Variants in JMJD1C observed in about 807,000 individuals in gnomAD.
JMJD1C encodes jumonji domain containing 1C, also known as jumonji domain-containing protein 1C.
In JMJD1C, 31 loss-of-function variants were observed where a neutral mutation model predicts 245.3. The ratio of observed to expected loss-of-function variants is 0.13; its 90% CI spans 0.09 to 0.17. The LOEUF (loss-of-function observed/expected upper bound fraction) is 0.17, where lower values mean the gene tolerates loss of function less well. Among genes scored for constraint, JMJD1C ranks in the 10% least tolerant of loss-of-function variants. JMJD1C has a pLI of 1.00. For missense variants in JMJD1C, 2,691 were observed against 3,000.2 expected, an observed-to-expected ratio of 0.90 and a Z score of 2.41; for synonymous variants, 1,057 against 1,017.4, an observed-to-expected ratio of 1.04 and a Z score of -0.74.
intron 2 of JMJD1C, among the ~76,000 whole-genome samples, chr10:63,276,582 G>A (rs1856797562): frequency 6.6e-6 from 1 of 152,096 alleles, no homozygotes; most frequent in Admixed American, 6.6e-5. Context: ...CTACTCAGGA[G>A]GCTGAGGCAG....
chr10:63,276,355 A>C (rs1245021200), intron 2 of JMJD1C, among the ~76,000 whole-genome samples: 1 of 150,738 alleles, frequency 6.6e-6, no homozygotes, highest in Middle Eastern at 3.2e-3. Context: ...AGTCCCAGCT[A>C]CTCCGGAGGC....
At chr10:63,505,677 C>A (rs1320046938) in intron 1 of JMJD1C, among the ~76,000 whole-genome samples, 1 of 151,854 alleles carries the variant, frequency 6.6e-6, no homozygotes, top group East Asian at 1.9e-4. Context: ...AATGTTTGTT[C>A]AAGAAGCATC....
chr10:63,458,197 G>C (rs1021653330), intron 1 of JMJD1C, among the ~76,000 whole-genome samples: 1 of 152,106 alleles, frequency 6.6e-6, no homozygotes, highest in African/African-American at 2.4e-5. Flanking sequence ...TCTAATAAAA[G>C]TGTGAAGCTG....
intron 3 of JMJD1C, among the ~76,000 whole-genome samples, chr10:63,228,947 A>G (rs1047254807): frequency 6.6e-6 from 1 of 152,218 alleles, no homozygotes; most frequent in African/African-American, 2.4e-5. Context: ...TTTGCAAGAT[A>G]AGATTTCCTC....
intron 8 of JMJD1C, among the ~76,000 whole-genome samples, chr10:63,211,863 A>G (rs1847400295): frequency 6.6e-6 from 1 of 151,660 alleles, no homozygotes; most frequent in African/African-American, 2.4e-5. Context: ...CAAAAAAACA[A>G]AAAAACCACC....
At chr10:63,271,730 T>A (rs780202199) in intron 2 of JMJD1C, among the ~76,000 whole-genome samples, 1 of 152,144 alleles carries the variant, frequency 6.6e-6, no homozygotes, top group African/African-American at 2.4e-5. Context: ...TTTGTATTCA[T>A]ACTGATGTTT....
At chr10:63,420,701 C>T (rs963788847) in intron 1 of JMJD1C, among the ~76,000 whole-genome samples, 6 of 115,344 alleles carry the variant, frequency 5.2e-5, no homozygotes, top group South Asian at 5.4e-4. Context: ...GGTAACAAAA[C>T]GAGACCCAGT....
chr10:63,242,331 G>T (rs1053365708), intron 3 of JMJD1C, among the ~76,000 whole-genome samples: 2 of 152,192 alleles, frequency 1.3e-5, no homozygotes, highest in African/African-American at 4.8e-5. Context: ...CTGCACGACT[G>T]AAGAACTTTT....
At chr10:63,387,638 T>A (rs1184598549) in intron 1 of JMJD1C, among the ~76,000 whole-genome samples, 2 of 111,010 alleles carry the variant, frequency 1.8e-5, no homozygotes, top group Non-Finnish European at 3.7e-5. Context: ...AATTTTTTTT[T>A]TTTTTTTTTT....
chr10:63,300,720 T>C (rs1336373601), intron 2 of JMJD1C, among the ~76,000 whole-genome samples: 2 of 152,026 alleles, frequency 1.3e-5, no homozygotes, highest in Admixed American at 1.3e-4. Context: ...GGTGAAACAT[T>C]GTTTCTACTA....
chr10:63,465,320 G>A, intron 1 of JMJD1C, 175 bp downstream of exon 1: 1 of 678,126 alleles, frequency 1.5e-6, no homozygotes, highest in Non-Finnish European at 2.4e-6. Context: ...AAGCCGCTCG[G>A]AGAGACGCAG....
At chr10:63,273,796 G>A (rs925864193) in intron 2 of JMJD1C, among the ~76,000 whole-genome samples, 19 of 152,116 alleles carry the variant, frequency 1.2e-4, no homozygotes, top group Non-Finnish European at 2.9e-5. Context: ...CAAGCTGAAT[G>A]TATCAACACA....
intron 2 of JMJD1C, among the ~76,000 whole-genome samples, chr10:63,362,142 G>A (rs1945419244): frequency 6.6e-6 from 1 of 151,656 alleles, no homozygotes; most frequent in South Asian, 2.1e-4. Flanking sequence ...TGCTGAGGCA[G>A]GAGGATCACT....
At chr10:63,331,353 C>A (rs1311010167) in intron 2 of JMJD1C, among the ~76,000 whole-genome samples, 1 of 152,198 alleles carries the variant, frequency 6.6e-6, no homozygotes, top group Admixed American at 6.5e-5. Context: ...ATTTTACTTA[C>A]TTCAATATCC....
At chr10:63,253,531 C>G (rs1057098967) in intron 3 of JMJD1C, among the ~76,000 whole-genome samples, 2 of 151,976 alleles carry the variant, frequency 1.3e-5, no homozygotes, top group African/African-American at 4.8e-5. Flanking sequence ...ATACAGGCGC[C>G]CGCCACCATG....
chr10:63,390,510 T>C (rs1028409783), intron 1 of JMJD1C, among the ~76,000 whole-genome samples: 3 of 152,174 alleles, frequency 2.0e-5, no homozygotes, highest in African/African-American at 7.2e-5. Flanking sequence ...GAGGGAATTC[T>C]TCCTAATTTA....
chr10:63,206,534 A>G (rs1041273479), intron 10 of JMJD1C, 61 bp downstream of exon 10: 65 of 1,322,336 alleles, frequency 4.9e-5, no homozygotes, highest in Non-Finnish European at 6.4e-5. Flanking sequence ...AAAGCAGCAC[A>G]CTAGTATAGC....
intron 3 of JMJD1C, among the ~76,000 whole-genome samples, chr10:63,254,245 A>G (rs1322638414): frequency 2.0e-5 from 3 of 152,216 alleles, no homozygotes; most frequent in Non-Finnish European, 4.4e-5. Flanking sequence ...CAGCTGAAAA[A>G]AAAGAGACTA....
intron 2 of JMJD1C, among the ~76,000 whole-genome samples, chr10:63,371,360 A>C (rs1039324958): frequency 6.6e-6 from 1 of 152,144 alleles, no homozygotes; most frequent in Admixed American, 6.6e-5. Flanking sequence ...CATTTTCCTA[A>C]AGTATGTACA....
Sources: gnomAD v4.1 joint callset for allele counts (sites outside exome capture counted in the v4.1 genomes callset) on GRCh38, gnomAD v4.1.1 for gene constraint, MANE v1.5 for transcripts, NCBI Gene and HGNC (gene_info 2026-07-23, HGNC 2026-07-21) for gene names.